RCOR1: variants seen among roughly 807,000 people sequenced by gnomAD.
RCOR1 encodes the protein REST corepressor.
A neutral mutation model predicts 64.0 loss-of-function variants in RCOR1; 12 were observed. The ratio of observed to expected loss-of-function variants is 0.19; its 90% confidence interval spans 0.12 to 0.30. The LOEUF is 0.30. Ranked by LOEUF, RCOR1 falls within the 10% of genes least tolerant of loss-of-function variation. The pLI, the probability that RCOR1 is intolerant of heterozygous loss-of-function variation, is 1.00. For missense variants in RCOR1, 502 were observed against 621.2 expected (o/e 0.81, Z 2.04); for synonymous variants, 279 against 227.2 (o/e 1.23, Z -2.05).
chr14:102,625,457 A>T (rs533874271), intron 2 of RCOR1, among the ~76,000 whole-genome samples: 4 of 147,272 alleles, frequency 2.7e-5, no homozygotes, highest in Admixed American at 2.0e-4. Flanking sequence ...CTTGTCTCGA[A>T]CTCCTGACCT....
intron 3 of RCOR1, among the ~76,000 whole-genome samples, chr14:102,696,993 G>A (rs1895664978): frequency 6.6e-6 from 1 of 152,000 alleles, no homozygotes; most frequent in South Asian, 2.1e-4. Context: ...AACAGGGTAG[G>A]TGGTGGGAAG....
chr14:102,694,975 C>CTA (rs57780890), intron 3 of RCOR1, among the ~76,000 whole-genome samples: 486 of 152,294 alleles, frequency 3.2e-3, no homozygotes, highest in African/African-American at 0.011. Flanking sequence ...TCTAAGAAGG[C>CTA]TATAAGCCTT....
chr14:102,597,176 A>C (rs957021858), intron 2 of RCOR1, among the ~76,000 whole-genome samples: 7 of 151,474 alleles, frequency 4.6e-5, no homozygotes, highest in African/African-American at 1.7e-4. Context: ...CCCTGTCCCT[A>C]CCTCAGTTTT....
intron 3 of RCOR1, among the ~76,000 whole-genome samples, chr14:102,697,886 G>A (rs1383343539): frequency 1.3e-5 from 2 of 151,974 alleles, no homozygotes; most frequent in Non-Finnish European, 2.9e-5. Context: ...GTGCCCAGCT[G>A]ATTTTTGTAT....
At chr14:102,696,573 T>C (rs1339976696) in intron 3 of RCOR1, among the ~76,000 whole-genome samples, 1 of 152,208 alleles carries the variant, frequency 6.6e-6, no homozygotes, top group Non-Finnish European at 1.5e-5. Flanking sequence ...CTTTGCTCAT[T>C]GTCCTGATTA....
chr14:102,594,426 A>G (rs545835557), intron 2 of RCOR1, among the ~76,000 whole-genome samples: 1 of 152,296 alleles, frequency 6.6e-6, no homozygotes, highest in East Asian at 1.9e-4. Flanking sequence ...CTAGTCCTTG[A>G]AAAAGGCGAT....
At chr14:102,628,419 A>G (rs893761089) in intron 2 of RCOR1, among the ~76,000 whole-genome samples, 13 of 152,110 alleles carry the variant, frequency 8.5e-5, no homozygotes, top group African/African-American at 3.1e-4. Context: ...TATAAGAGCT[A>G]GTCCCTGGCT....
At chr14:102,650,299 A>G (rs1221057774) in intron 2 of RCOR1, among the ~76,000 whole-genome samples, 1 of 147,416 alleles carries the variant, frequency 6.8e-6, no homozygotes, top group Non-Finnish European at 1.5e-5. Flanking sequence ...ACTTGAGGTC[A>G]GGAATTAGAG....
chr14:102,688,674 C>G lies in RCOR1; in HGVS notation c.445+6696C>G, dbSNP rs370412673. Among the ~76,000 whole-genome samples, 4 of 152,090 alleles carry G rather than the reference C, an allele frequency of 2.6e-5. No homozygotes were observed. The East Asian group carries it at 5.8e-4, about 22-fold the overall frequency. The stretch of plus-strand genomic sequence containing the variant: ...AGAATTGTGGGCTTAGTGACTGGTT[C>G]AGGCAGCCTTTAACATGCCTGTAAA... On this transcript the variant is annotated intron_variant, in intron 3 of 11. Coordinates refer to ENST00000262241, the MANE Select transcript of RCOR1 (RefSeq NM_015156.4).
chr14:102,692,440 AACACACACACACAC>A (rs10622844), intron 3 of RCOR1, among the ~76,000 whole-genome samples: 8 of 146,244 alleles, frequency 5.5e-5, no homozygotes, highest in African/African-American at 2.0e-4. Flanking sequence ...GGAAAAAGTT[AACACACACACACAC>A]ACACACACAC....
rs1204157449 is a variant in RCOR1, at chr14:102,677,329, C to T, written c.362-4566C>T. 1.8e-3 allele frequency among the ~76,000 whole-genome samples: 200 copies of T among 112,858 alleles called. 17 individuals are homozygous for T. Among genetic ancestry groups the T allele is most frequent in the African/African-American group, 7.8e-3 (183 of 23,442 alleles). The allele number at this position is 112,858 out of a possible 152,430, so 74.0% of individuals were successfully genotyped here. On this transcript the variant is annotated intron_variant, in intron 2 of 11. Transcript: ENST00000262241. ...CTCCCGGACGGGGCGGCTGGCCGGG[C>T]AGGGGGCTGACCCCCCCCCCACCTC... is the stretch of plus-strand genomic sequence containing the variant.
intron 2 of RCOR1, among the ~76,000 whole-genome samples, chr14:102,604,950 T>A (rs1483976800): frequency 6.7e-6 from 1 of 150,224 alleles, no homozygotes; most frequent in Non-Finnish European, 1.5e-5. Flanking sequence ...CAGGCTATAA[T>A]CCCAGCATTT....
intron 3 of RCOR1, among the ~76,000 whole-genome samples, chr14:102,693,031 G>A (rs1255721820): frequency 2.0e-5 from 3 of 152,072 alleles, no homozygotes; most frequent in Non-Finnish European, 4.4e-5. Context: ...CTCTCAAAGT[G>A]TTGAGATTAC....
chr14:102,691,750 C>T (rs1895537380), intron 3 of RCOR1, among the ~76,000 whole-genome samples: 1 of 152,162 alleles, frequency 6.6e-6, no homozygotes, highest in South Asian at 2.1e-4. Flanking sequence ...AGTAATTTAC[C>T]TTGTAATCAT....
chr14:102,667,035 G>C (rs931039619), intron 2 of RCOR1, among the ~76,000 whole-genome samples: 2 of 152,094 alleles, frequency 1.3e-5, no homozygotes, highest in Non-Finnish European at 2.9e-5. Flanking sequence ...AAAGTGATTT[G>C]ATCAGAATTA....
At chr14:102,606,556 G>C (rs1893510789) in intron 2 of RCOR1, among the ~76,000 whole-genome samples, 1 of 152,074 alleles carries the variant, frequency 6.6e-6, no homozygotes, top group Non-Finnish European at 1.5e-5. Context: ...CTGGGAGCTA[G>C]TGGTGTCATG....
chr14:102,662,663 C>T (rs1016442273), intron 2 of RCOR1: 7 of 445,620 alleles, frequency 1.6e-5, no homozygotes, highest in Admixed American at 8.3e-5. Flanking sequence ...GCTTTGGCTT[C>T]GGCTTGAGGA....
At position 102,616,204 on chromosome 14, in the gene RCOR1, A is replaced by G. The variant is rs890503038; in HGVS notation, c.361+22879A>G. On this transcript the variant is annotated intron_variant, in intron 2 of 11. Transcript: ENST00000262241. ...CATTTATTACAAAAGATACATGTGT[A>G]TATGTGTGTGTGTGTGTGTGTGTGT... Among the ~76,000 whole-genome samples the G allele has an allele frequency of 7.8e-5, 10 of 128,690 alleles. No individual in the cohort carries two copies. The Admixed American group carries it at 7.8e-4, about 10-fold the overall frequency. 84.4% of individuals were successfully genotyped at this position (128,690 alleles called of 152,430 possible).
chr14:102,701,621 T>G (rs950285248), intron 4 of RCOR1, among the ~76,000 whole-genome samples: 1 of 152,242 alleles, frequency 6.6e-6, no homozygotes, highest in African/African-American at 2.4e-5. Flanking sequence ...GCTTTCTCAT[T>G]TGAATATGTG....
Sources: allele counts gnomAD v4.1 joint callset (sites outside exome capture counted in the v4.1 genomes callset), GRCh38; gene constraint gnomAD v4.1.1; transcripts MANE v1.5; gene names NCBI Gene and HGNC (gene_info 2026-07-23, HGNC 2026-07-21).